UNC80: variants seen among roughly 807,000 people sequenced by gnomAD.
UNC80 encodes protein unc-80 homolog.
UNC80 carries 164 observed loss-of-function variants against 384.6 expected under a neutral mutation model. The observed-to-expected ratio is 0.43, with a 90% CI of 0.38 to 0.49. The LOEUF is 0.49. Among genes scored for constraint, UNC80 ranks in the 20% least tolerant of loss-of-function variants. UNC80 has a pLI of 0.00. For missense variants in UNC80, 3,330 were observed against 4,143.0 expected (o/e 0.80, Z 5.39); for synonymous variants, 1,486 against 1,527.8 (o/e 0.97, Z 0.64).
chr2:209,848,134 T>C (rs1364851365), intron 21 of UNC80, among the ~76,000 whole-genome samples: 1 of 152,000 alleles, frequency 6.6e-6, no homozygotes, highest in African/African-American at 2.4e-5. Context: ...AGTGAGGAAA[T>C]AGAGTAGCAT....
chr2:209,881,145 G>C (rs116439928), intron 25 of UNC80, 51 bp downstream of exon 25: 1 of 1,520,268 alleles, frequency 6.6e-7, no homozygotes, highest in South Asian at 1.3e-5. Flanking sequence ...GAGGCCAGGC[G>C]TGTGTCTGGG....
intron 46 of UNC80, among the ~76,000 whole-genome samples, chr2:209,945,564 C>G (rs911041364): frequency 3.3e-5 from 5 of 152,056 alleles, no homozygotes; most frequent in Admixed American, 2.6e-4. Flanking sequence ...GGTAAAGCCT[C>G]AACCTTAGGC....
intron 19 of UNC80, among the ~76,000 whole-genome samples, chr2:209,840,115 G>A (rs954449327): frequency 6.6e-6 from 1 of 152,182 alleles, no homozygotes; most frequent in Non-Finnish European, 1.5e-5. Flanking sequence ...AAACTTCACT[G>A]CATGGAAATC....
intron 33 of UNC80, among the ~76,000 whole-genome samples, chr2:209,921,178 G>A (rs1356009028): frequency 6.6e-6 from 1 of 152,112 alleles, no homozygotes; most frequent in Non-Finnish European, 1.5e-5. Flanking sequence ...GAAAGAAATA[G>A]AGTACTTAAA....
intron 29 of UNC80, among the ~76,000 whole-genome samples, chr2:209,907,039 C>T (rs1026189524): frequency 2.0e-5 from 3 of 152,140 alleles, no homozygotes; most frequent in Non-Finnish European, 2.9e-5. Flanking sequence ...AACTTAAATG[C>T]CATCTCCTCC....
At chr2:209,778,902 G>C (rs1182758225) in intron 4 of UNC80, among the ~76,000 whole-genome samples, 2 of 152,208 alleles carry the variant, frequency 1.3e-5, no homozygotes, top group South Asian at 2.1e-4. Context: ...GAAGGGAACA[G>C]ACTAGTGAGT....
At chr2:209,879,640 T>G (rs1465763220) in intron 24 of UNC80, among the ~76,000 whole-genome samples, 2 of 152,176 alleles carry the variant, frequency 1.3e-5, no homozygotes, top group Non-Finnish European at 2.9e-5. Flanking sequence ...GTGTTGCATA[T>G]CCACACAATA....
chr2:209,880,802 T>C (rs1344883747), intron 24 of UNC80, among the ~76,000 whole-genome samples, 159 bp from the exon 25 acceptor site: 2 of 152,192 alleles, frequency 1.3e-5, no homozygotes, highest in Middle Eastern at 3.2e-3. Context: ...TACATAGATA[T>C]AGATGAAGTC....
chr2:209,861,182 G>A, intron 22 of UNC80, among the ~76,000 whole-genome samples: 1 of 152,284 alleles, frequency 6.6e-6, no homozygotes, highest in Admixed American at 6.5e-5. Context: ...TTGGCTGTGG[G>A]TTTGTCATCG....
intron 21 of UNC80, among the ~76,000 whole-genome samples, chr2:209,847,340 T>A (rs549866021): frequency 2.9e-5 from 4 of 139,790 alleles, no homozygotes; most frequent in Non-Finnish European, 4.7e-5. Flanking sequence ...TGGGATATAC[T>A]AAGTGCTCAA....
chr2:209,864,084 T>C (rs1256486909), intron 22 of UNC80, among the ~76,000 whole-genome samples: 1 of 151,822 alleles, frequency 6.6e-6, no homozygotes, highest in East Asian at 2.0e-4. Context: ...TTTATTTTTA[T>C]TTCAATGGTC....
At chr2:209,934,073 A>G in intron 39 of UNC80, 68 bp downstream of exon 39, 1 of 1,375,332 alleles carries the variant, frequency 7.3e-7, no homozygotes, top group Non-Finnish European at 9.7e-7. Context: ...TTGAAAGACT[A>G]AGAGTCTCTT....
rs1193418178 is a variant in UNC80 at position 209,954,570 on chromosome 2, A to G, written c.7457+300A>G. On this transcript the variant is annotated intron_variant, in intron 48 of 64. Transcript: ENST00000673920. Reference sequence around the variant, plus strand: ...TCTCCAGCAGTTATAACCCAGTGGTAAACACATCTTGTGTAAGAGGGCCAA... The same window carrying G: ...TCTCCAGCAGTTATAACCCAGTGGTGAACACATCTTGTGTAAGAGGGCCAA... 4.2e-5 allele frequency: 9 copies of G among 214,252 alleles called. No homozygotes were observed. In the East Asian group the frequency reaches 8.8e-4, roughly 21 times the overall value. 13.3% of individuals were successfully genotyped at this position (214,252 alleles called of 1,614,324 possible).
chr2:209,873,084 G>A, intron 23 of UNC80, 114 bp downstream of exon 23: 2 of 955,742 alleles, frequency 2.1e-6, no homozygotes, highest in Non-Finnish European at 3.1e-6. Context: ...TTATGTACCA[G>A]GTACTGAAGG....
At chr2:209,878,852 C>A (rs1186787508) in intron 24 of UNC80, among the ~76,000 whole-genome samples, 1 of 152,074 alleles carries the variant, frequency 6.6e-6, no homozygotes, top group Non-Finnish European at 1.5e-5. Flanking sequence ...CCTGACCTTC[C>A]CCTGTGGTTT....
At chr2:209,794,839 A>G in intron 7 of UNC80, 2 of 452,452 alleles carry the variant, frequency 4.4e-6, no homozygotes, top group Admixed American at 2.4e-5. Flanking sequence ...CTTCTCAGCC[A>G]TGTGGAACTG....
chr2:209,933,966 C>T lies in UNC80; in HGVS notation c.6139C>T (p.Gln2047Ter). ...KDLKQTMKKEQCEVKLLVTAS... is the reference protein window; with the variant it reads ...KDLKQTMKKE ...TCTCAAGCAGACGATGAAGAAGGAG[C>T]AGTGTGAGGTGAAGCTCCTGGTGAC... is the stretch of plus-strand genomic sequence containing the variant. Residue 2047 changes from glutamine (Q) to a stop codon, truncating the protein, a stop_gained, in exon 39 of 65, where the codon CAG becomes TAG. Transcript: ENST00000673920. LOFTEE classifies it high-confidence loss of function. 6.5e-7 allele frequency: 1 copy of T among 1,550,136 alleles called. No homozygotes were observed. The highest frequency in any genetic ancestry group is 8.7e-7 in the Non-Finnish European group (1 of 1,146,540).
chr2:209,976,305 T>A lies in UNC80; in HGVS notation c.8772+2T>A. The A allele has an allele frequency of 6.4e-7, 1 of 1,551,680 alleles. No individual in the cohort carries two copies. The highest frequency in any genetic ancestry group is 8.7e-7 in the Non-Finnish European group (1 of 1,146,984). On this transcript the variant is annotated splice_donor_variant, in intron 57 of 64. Transcript: ENST00000673920. LOFTEE classifies it high-confidence loss of function. The surrounding 1 kb of genome is among the most constrained non-coding windows in gnomAD (Gnocchi z 4.3). ...TTGCGCCCTTTCATCCAGTGCAAGG[T>A]GTGGTGTGTGCTTCTCCTCCTGAAA...
chr2:209,965,058 G>A (rs2092705539), intron 51 of UNC80, among the ~76,000 whole-genome samples: 1 of 151,970 alleles, frequency 6.6e-6, no homozygotes, highest in Non-Finnish European at 1.5e-5. Flanking sequence ...AATATGTCTG[G>A]GTAAATGATG....
Sources: gnomAD v4.1 joint callset for allele counts (sites outside exome capture counted in the v4.1 genomes callset) on GRCh38, gnomAD v4.1.1 for gene constraint, Gnocchi (gnomAD v3.1) non-coding constraint, MANE v1.5 for transcripts, NCBI Gene and HGNC (gene_info 2026-07-23, HGNC 2026-07-21) for gene names.